Variants in DIAPH2 observed in about 807,000 individuals in gnomAD.
The protein encoded by DIAPH2 is protein diaphanous homolog 2.
DIAPH2 carries 35 observed loss-of-function variants against 92.7 expected under a neutral mutation model. The ratio of observed to expected loss-of-function variants is 0.38; its 90% CI spans 0.29 to 0.50. The LOEUF (loss-of-function observed/expected upper bound fraction) is 0.50, where lower values mean the gene tolerates loss of function less well. DIAPH2 is among the 20% of genes least tolerant of loss of function. The pLI is 0.94. For synonymous variants in DIAPH2, 301 were observed against 280.4 expected, an observed-to-expected ratio of 1.07 and a Z score of -0.73; for missense variants, 701 against 819.5, an observed-to-expected ratio of 0.86 and a Z score of 1.77.
chrX:97,457,297 G>C (rs751818273), intron 26 of DIAPH2, among the ~76,000 whole-genome samples: 1 of 112,511 alleles, frequency 8.9e-6, no homozygotes, highest in Admixed American at 9.3e-5. Context: ...TTACAGGCGT[G>C]AGCCACCACG....
intron 25 of DIAPH2, among the ~76,000 whole-genome samples, chrX:97,410,167 C>G (rs1343271696): frequency 9.0e-6 from 1 of 111,703 alleles, no homozygotes; most frequent in Non-Finnish European, 1.9e-5. Flanking sequence ...GATGAAGCTT[C>G]CAGAGGAAGG....
chrX:96,761,193 C>T (rs1049855032), intron 4 of DIAPH2, among the ~76,000 whole-genome samples: 1 of 111,028 alleles, frequency 9.0e-6, no homozygotes, highest in Non-Finnish European at 1.9e-5. Context: ...AGTTATTCAC[C>T]GAAGTCCCAA....
intron 21 of DIAPH2, 125 bp from the exon 22 acceptor site, chrX:97,141,540 A>G: frequency 1.4e-6 from 1 of 725,485 alleles, no homozygotes; most frequent in South Asian, 3.2e-5. Context: ...ACTAGACCAC[A>G]TTAAGAACCT....
At chrX:96,837,527 C>G (rs778675284) in intron 4 of DIAPH2, among the ~76,000 whole-genome samples, 2 of 106,849 alleles carry the variant, frequency 1.9e-5, no homozygotes, top group Admixed American at 1.0e-4. Flanking sequence ...ATAGTGAAAC[C>G]TTTTGTTTGA....
chrX:97,144,355 C>T (rs2067228711), intron 22 of DIAPH2, among the ~76,000 whole-genome samples: 1 of 110,726 alleles, frequency 9.0e-6, no homozygotes, highest in African/African-American at 3.3e-5. Context: ...AATAATACGT[C>T]CTAATGTTTG....
At chrX:96,854,073 A>T (rs2065021583) in intron 4 of DIAPH2, among the ~76,000 whole-genome samples, 1 of 111,720 alleles carries the variant, frequency 9.0e-6, no homozygotes. Flanking sequence ...TACGTGATGT[A>T]TGAAAATTTG....
At chrX:96,769,066 A>G (rs1022785367) in intron 4 of DIAPH2, among the ~76,000 whole-genome samples, 1 of 111,254 alleles carries the variant, frequency 9.0e-6, no homozygotes, top group African/African-American at 3.3e-5. Context: ...AGTTTAAGTA[A>G]TAAGGGTGCT....
chrX:97,601,012 A>G lies in DIAPH2; in HGVS notation c.*1695A>G, dbSNP rs2071591494. On this transcript the variant is annotated 3_prime_UTR_variant, in exon 27 of 27. Coordinates refer to ENST00000324765, the MANE Select transcript of DIAPH2 (RefSeq NM_006729.5). ...ACAGTATCTGAAATTTCACAGTCCT[A>G]TCCGATCTGAAAACACACATACACA... The G allele has an allele frequency of 8.9e-6, 1 of 112,341 alleles. No individual in the cohort carries two copies. 9.3% of individuals were successfully genotyped at this position (112,341 alleles called of 1,213,427 possible).
intron 17 of DIAPH2, among the ~76,000 whole-genome samples, chrX:96,983,370 T>G (rs2066010255): frequency 9.0e-6 from 1 of 111,396 alleles, no homozygotes; most frequent in African/African-American, 3.3e-5. Flanking sequence ...ATCAGCATAG[T>G]GCTCTAACCA....
chrX:96,807,393 G>A (rs932219242), intron 4 of DIAPH2, among the ~76,000 whole-genome samples: 9 of 111,695 alleles, frequency 8.1e-5, no homozygotes, highest in Non-Finnish European at 1.5e-4. Context: ...TGGCTCAGGA[G>A]TTCCACCCAA....
rs141881122 is a variant in DIAPH2 at position 97,064,076 on chromosome X, A to G, written c.2051-8865A>G. Among the ~76,000 whole-genome samples the G allele has an allele frequency of 4.8e-3, 543 of 112,250 alleles. 6 individuals carry two copies. The East Asian group carries it at 0.066, about 14-fold the overall frequency. On this transcript the variant is annotated intron_variant, in intron 17 of 26. Coordinates refer to ENST00000324765, the MANE Select transcript of DIAPH2 (RefSeq NM_006729.5). Reference sequence around the variant, plus strand: ...TTATGTTACTGGAGCTTTTACATGTATGTGCCATTTCTTTCTCACAACATT... The same window carrying G: ...TTATGTTACTGGAGCTTTTACATGTGTGTGCCATTTCTTTCTCACAACATT...
At chrX:97,493,914 A>G (rs1165995246) in intron 26 of DIAPH2, among the ~76,000 whole-genome samples, 1 of 106,294 alleles carries the variant, frequency 9.4e-6, no homozygotes, top group African/African-American at 3.4e-5. Flanking sequence ...CAACTCAAAC[A>G]ACAACAAAAA....
chrX:97,506,765 A>G (rs944312251), intron 26 of DIAPH2, among the ~76,000 whole-genome samples: 3 of 110,891 alleles, frequency 2.7e-5, no homozygotes, highest in Non-Finnish European at 5.7e-5. Context: ...AGTTCTGTCC[A>G]CTTGTCTCCT....
intron 5 of DIAPH2, chrX:96,885,221 C>G: frequency 1.8e-6 from 1 of 557,142 alleles, no homozygotes; most frequent in Non-Finnish European, 2.9e-6. Flanking sequence ...TTTGTCAACT[C>G]GCTGCTTTTC....
chrX:97,127,964 C>T (rs753819694), intron 21 of DIAPH2, among the ~76,000 whole-genome samples: 10 of 111,025 alleles, frequency 9.0e-5, no homozygotes, highest in South Asian at 3.9e-4. Context: ...GCCAAGATCG[C>T]GCCACTACAC....
intron 5 of DIAPH2, among the ~76,000 whole-genome samples, chrX:96,883,330 C>T (rs1430418909): frequency 9.1e-6 from 1 of 110,309 alleles, no homozygotes; most frequent in East Asian, 2.8e-4. Context: ...CGTTGAAAGA[C>T]GATTGTCTTG....
chrX:96,705,929 A>G lies in DIAPH2; in HGVS notation c.132+20739A>G, dbSNP rs765306079. On this transcript the variant is annotated intron_variant, in intron 1 of 26. Coordinates refer to ENST00000324765, the MANE Select transcript of DIAPH2 (RefSeq NM_006729.5). The stretch of plus-strand genomic sequence containing the variant: ...TGATTTTGTACTCTAAAGTTGGAGA[A>G]CCACTAAACTTGTGCACAGTTTGCA... Among the ~76,000 whole-genome samples the G allele has an allele frequency of 1.6e-3, 177 of 112,461 alleles. 1 individual carries two copies. The highest frequency in any genetic ancestry group is 5.6e-3 in the African/African-American group (174 of 31,013).
At chrX:97,087,218 A>G (rs1226913474) in intron 19 of DIAPH2, among the ~76,000 whole-genome samples, 3 of 112,099 alleles carry the variant, frequency 2.7e-5, no homozygotes, top group African/African-American at 9.7e-5. Context: ...CTCAATTACT[A>G]ATAAGACCAT....
intron 1 of DIAPH2, among the ~76,000 whole-genome samples, chrX:96,699,886 A>G (rs1193082038): frequency 1.8e-5 from 2 of 112,550 alleles, no homozygotes; most frequent in African/African-American, 3.2e-5. Flanking sequence ...TCTGACATCT[A>G]AGGAAAATAT....
Sources: gnomAD v4.1 joint callset for allele counts (sites outside exome capture counted in the v4.1 genomes callset) on GRCh38, gnomAD v4.1.1 for gene constraint, MANE v1.5 for transcripts, NCBI Gene and HGNC (gene_info 2026-07-23, HGNC 2026-07-21) for gene names.